The following PRUNE2 variants were observed in gnomAD, a reference collection of about 807,000 sequenced individuals.
PRUNE2 encodes protein prune homolog 2.
Under a neutral mutation model 252.0 loss-of-function variants are expected in PRUNE2, and 164 were observed. That is an observed-to-expected ratio of 0.65 (90% CI 0.57 to 0.74). The LOEUF is 0.74. Among genes scored for constraint, PRUNE2 ranks in the 30% least tolerant of loss-of-function variants. The probability of loss-of-function intolerance (pLI) is 0.00; values close to 1 mark genes in which losing one functional copy is unlikely to be tolerated. For synonymous variants in PRUNE2, 1,292 were observed against 1,350.2 expected, an observed-to-expected ratio of 0.96 and a Z score of 0.94; for missense variants, 3,495 against 3,711.0, an observed-to-expected ratio of 0.94 and a Z score of 1.51.
chr9:76,828,837 A>T (rs2132057967), intron 4 of PRUNE2, among the ~76,000 whole-genome samples: 1 of 152,148 alleles, frequency 6.6e-6, no homozygotes, highest in East Asian at 1.9e-4. Flanking sequence ...CCAACATGAC[A>T]AAACCCCATC....
chr9:76,799,170 A>G (rs1589287000), intron 6 of PRUNE2, among the ~76,000 whole-genome samples: 3 of 152,066 alleles, frequency 2.0e-5, no homozygotes, highest in African/African-American at 7.2e-5. Flanking sequence ...GTGAAATCCC[A>G]TCTCTACTAA....
intron 1 of PRUNE2, among the ~76,000 whole-genome samples, chr9:76,865,806 TACACAC>T (rs34661457): frequency 1.3e-3 from 170 of 127,208 alleles, no homozygotes; most frequent in African/African-American, 3.9e-3. Context: ...TCTCTCTCCC[TACACAC>T]ACACACACAC....
chr9:76,879,102 G>T (rs1038120256), intron 1 of PRUNE2, among the ~76,000 whole-genome samples: 2 of 152,168 alleles, frequency 1.3e-5, no homozygotes, highest in Non-Finnish European at 2.9e-5. Flanking sequence ...CTAGTAAACA[G>T]TTTGAAAGAT....
chr9:76,893,652 G>C (rs1373668757), intron 1 of PRUNE2, among the ~76,000 whole-genome samples: 1 of 152,218 alleles, frequency 6.6e-6, no homozygotes, highest in Non-Finnish European at 1.5e-5. Flanking sequence ...TTGGTCAGGA[G>C]GCTATTTTGG....
chr9:76,637,506 T>C lies in PRUNE2; in HGVS notation c.8875A>G (p.Met2959Val), dbSNP rs1036619691. 20 of 1,613,236 alleles carry C rather than the reference T, an allele frequency of 1.2e-5. No homozygotes were observed. The Admixed American group carries it at 1.3e-4, about 11-fold the overall frequency. ...TLELMVAEDY[M>V]IVYLNGATPR... is the part of the protein sequence containing the mutation. ...GTTGCACCATTCAAGTACACAATCATATAGTCTTCAGCTACCATCAACTCT... is the reference window on the plus strand; with the variant it reads ...GTTGCACCATTCAAGTACACAATCACATAGTCTTCAGCTACCATCAACTCT... Residue 2959 changes from methionine (M) to valine (V), a missense_variant, in exon 14 of 19, where the codon ATG becomes GTG. By Grantham distance (21) the Met-to-Val change is conservative. Coordinates refer to ENST00000376718, the MANE Select transcript of PRUNE2 (RefSeq NM_015225.3).
chr9:76,725,405 C>T (rs776400530), intron 6 of PRUNE2, among the ~76,000 whole-genome samples: 3 of 152,184 alleles, frequency 2.0e-5, no homozygotes, highest in Non-Finnish European at 4.4e-5. Flanking sequence ...GTTTGGGATT[C>T]GTTCTTCATG....
chr9:76,877,017 C>T (rs2061511194), intron 1 of PRUNE2, among the ~76,000 whole-genome samples: 1 of 152,132 alleles, frequency 6.6e-6, no homozygotes. Flanking sequence ...AGCAGTGAGT[C>T]TTTGATCTAG....
chr9:76,755,613 A>C (rs1423930667), intron 6 of PRUNE2, among the ~76,000 whole-genome samples: 1 of 152,136 alleles, frequency 6.6e-6, no homozygotes, highest in Non-Finnish European at 1.5e-5. Context: ...GGTCTTATTA[A>C]AATGCAGATT....
chr9:76,860,976 G>A lies in PRUNE2; in HGVS notation c.37-6768C>T, dbSNP rs561405164. Among the ~76,000 whole-genome samples, 12 of 152,300 alleles carry A rather than the reference G, an allele frequency of 7.9e-5. No individual in the cohort carries two copies. The South Asian group carries it at 2.5e-3, about 32-fold the overall frequency. ...TCCCCAGGAGACCCCAAACACCTGTGGCTGCCACGATTCTAAGTAAGAAGA... is the reference window on the plus strand; with the variant it reads ...TCCCCAGGAGACCCCAAACACCTGTAGCTGCCACGATTCTAAGTAAGAAGA... On this transcript the variant is annotated intron_variant, in intron 1 of 18. Coordinates refer to ENST00000376718, the MANE Select transcript of PRUNE2 (RefSeq NM_015225.3).
At chr9:76,688,900 C>A (rs1043007503) in intron 9 of PRUNE2, among the ~76,000 whole-genome samples, 5 of 152,220 alleles carry the variant, frequency 3.3e-5, no homozygotes, top group African/African-American at 1.2e-4. Flanking sequence ...GCTCTCCTGA[C>A]TCCATAGCTG....
At chr9:76,651,862 A>AAAGACAAT (rs1847543442) in intron 11 of PRUNE2, 1 of 152,248 alleles carries the variant, frequency 6.6e-6, no homozygotes, top group Admixed American at 6.5e-5. Context: ...GTGGTAAGAG[A>AAAGACAAT]AAGACAATAA....
chr9:76,851,604 T>C (rs912764935), intron 2 of PRUNE2, among the ~76,000 whole-genome samples: 4 of 151,744 alleles, frequency 2.6e-5, no homozygotes, highest in Non-Finnish European at 4.4e-5. Flanking sequence ...GCTATAAATC[T>C]AGATTTGGGG....
At chr9:76,690,081 C>T in intron 9 of PRUNE2, among the ~76,000 whole-genome samples, 1 of 152,212 alleles carries the variant, frequency 6.6e-6, no homozygotes, top group Admixed American at 6.5e-5. Flanking sequence ...ATAAACCTAT[C>T]CACAAGCATC....
chr9:76,686,961 A>T (rs1333715244), intron 9 of PRUNE2, among the ~76,000 whole-genome samples: 1 of 152,138 alleles, frequency 6.6e-6, no homozygotes, highest in Non-Finnish European at 1.5e-5. Context: ...GCCTGGGGTC[A>T]AACTCCTGGC....
intron 6 of PRUNE2, among the ~76,000 whole-genome samples, chr9:76,729,676 A>G (rs1347039264): frequency 6.6e-6 from 1 of 152,206 alleles, no homozygotes; most frequent in Non-Finnish European, 1.5e-5. Context: ...AAATAAAATA[A>G]AACGATCTTA....
At chr9:76,809,203 G>T (rs1275851618) in intron 6 of PRUNE2, among the ~76,000 whole-genome samples, 2 of 152,098 alleles carry the variant, frequency 1.3e-5, no homozygotes, top group African/African-American at 4.8e-5. Context: ...TTTCGTATAG[G>T]TAGTGGCCCA....
rs1294776129 is a variant in PRUNE2, at chr9:76,638,166, T to G, written c.8831+20A>C. The G allele has an allele frequency of 6.6e-7, 1 of 1,512,772 alleles. No individual in the cohort carries two copies. The highest frequency in any genetic ancestry group is 1.7e-5 in the Admixed American group (1 of 59,880). 93.7% of individuals were successfully genotyped at this position (1,512,772 alleles called of 1,614,324 possible). A position where few individuals can be genotyped will look rare whatever the true frequency, so the allele number is the denominator to read the frequency against. On this transcript the variant is annotated intron_variant, in intron 13 of 18. Coordinates refer to ENST00000376718, the MANE Select transcript of PRUNE2 (RefSeq NM_015225.3). ...GCCACAGACATTAACTCAAAGCACTTTGTCATAAGTATCACTCACAGGAAA... is the reference window on the plus strand; with the variant it reads ...GCCACAGACATTAACTCAAAGCACTGTGTCATAAGTATCACTCACAGGAAA...
chr9:76,790,175 G>A (rs192762353), intron 6 of PRUNE2, among the ~76,000 whole-genome samples: 13 of 152,286 alleles, frequency 8.5e-5, no homozygotes, highest in Non-Finnish European at 1.6e-4. Flanking sequence ...AAGTAAGCAT[G>A]CAGGTTTACT....
intron 15 of PRUNE2, among the ~76,000 whole-genome samples, chr9:76,630,983 C>T (rs1837396303): frequency 6.6e-6 from 1 of 152,218 alleles, no homozygotes; most frequent in Non-Finnish European, 1.5e-5. Context: ...AACTACTATG[C>T]ATTCTAGTAA....
Sources: allele counts gnomAD v4.1 joint callset (sites outside exome capture counted in the v4.1 genomes callset), GRCh38; gene constraint gnomAD v4.1.1; transcripts MANE v1.5; gene names NCBI Gene and HGNC (gene_info 2026-07-23, HGNC 2026-07-21).